DTX4: variants seen among roughly 807,000 people sequenced by gnomAD.
DTX4 encodes the protein E3 ubiquitin-protein ligase DTX4.
In DTX4, 28 loss-of-function variants were observed where a neutral mutation model predicts 57.6. The ratio of observed to expected loss-of-function variants is 0.49; its 90% CI spans 0.36 to 0.67. The LOEUF is 0.67. DTX4 is among the 30% of genes least tolerant of loss of function. DTX4 has a pLI of 0.00. For missense variants in DTX4, 715 were observed against 836.8 expected (o/e 0.85, Z 1.80); for synonymous variants, 316 against 331.0 (o/e 0.95, Z 0.49).
At chr11:59,191,754 T>C (rs1342869558) in intron 5 of DTX4, among the ~76,000 whole-genome samples, 2 of 152,238 alleles carry the variant, frequency 1.3e-5, no homozygotes, top group African/African-American at 2.4e-5. Flanking sequence ...TTTACATTCC[T>C]TAAAAATTCA....
chr11:59,183,587 G>A (rs1017539886), intron 2 of DTX4, among the ~76,000 whole-genome samples: 6 of 152,122 alleles, frequency 3.9e-5, no homozygotes, highest in Admixed American at 1.3e-4. Context: ...TGATCCGGAT[G>A]GTTTTCAATT....
chr11:59,201,426 G>T (rs951224010), intron 8 of DTX4, among the ~76,000 whole-genome samples: 4 of 152,174 alleles, frequency 2.6e-5, no homozygotes, highest in Non-Finnish European at 5.9e-5. Context: ...CCATGGAAGG[G>T]GGCAGAGGAC....
In DTX4 at chr11:59,172,567, C is replaced by T; in HGVS notation, c.-29C>T. 3.0e-6 allele frequency: 4 copies of T among 1,321,934 alleles called. No individual in the cohort carries two copies. Among genetic ancestry groups the T allele is most frequent in the Non-Finnish European group, 3.9e-6 (4 of 1,035,378 alleles). 81.9% of individuals were successfully genotyped at this position (1,321,934 alleles called of 1,614,324 possible). On this transcript the variant is annotated 5_prime_UTR_variant, in exon 1 of 9. Coordinates refer to ENST00000227451, the MANE Select transcript of DTX4 (RefSeq NM_015177.2). ...GGGCGCTCGGGGCCCGGGAGGCGGG[C>T]CGCGCAGCGCCGCAGCCCCGGGCTC... is the stretch of plus-strand genomic sequence containing the variant.
chr11:59,199,553 G>T, intron 7 of DTX4, 131 bp from the exon 8 acceptor site: 3 of 726,672 alleles, frequency 4.1e-6, no homozygotes, highest in South Asian at 1.8e-5. Context: ...AGTGCTTTTT[G>T]GGTCTGTTCT....
chr11:59,197,684 T>G (rs768947892), intron 7 of DTX4, among the ~76,000 whole-genome samples: 3 of 152,024 alleles, frequency 2.0e-5, no homozygotes, highest in Admixed American at 2.0e-4. Context: ...GGAATGGGGC[T>G]CGAACAAGGG....
chr11:59,174,501 G>GAAAAAA (rs71036507), intron 1 of DTX4, among the ~76,000 whole-genome samples: 2 of 118,050 alleles, frequency 1.7e-5, no homozygotes, highest in African/African-American at 3.9e-5. Flanking sequence ...TCCAGTCCTG[G>GAAAAAA]AAAAAAAAAA....
At position 59,182,283 on chromosome 11, in the gene DTX4, C is replaced by T. The variant is rs760477316; in HGVS notation, c.756C>T (p.Thr252=). 19 of 1,612,162 alleles carry T rather than the reference C, an allele frequency of 1.2e-5. No individual in the cohort carries two copies. Among genetic ancestry groups the T allele is most frequent in the African/African-American group, 2.7e-5 (2 of 74,930 alleles). The change falls in exon 2 of 9, where the codon ACC becomes ACT. Residue 252 remains threonine, a synonymous_variant. Transcript: ENST00000227451. ...GCACCATTCGAGGCCCACTGAAGAC[C>T]GCCCCATCGCAGGTGATCCGGAGAC... is the stretch of plus-strand genomic sequence containing the variant. ...STGTIRGPLK[T]APSQVIRRQA...
chr11:59,204,608 C>A, intron 8 of DTX4, 68 bp from the exon 9 acceptor site: 1 of 1,426,082 alleles, frequency 7.0e-7, no homozygotes, highest in Non-Finnish European at 9.6e-7. Flanking sequence ...GGATTCTCTA[C>A]CGTCCAAGGG....
chr11:59,181,505 C>CATATACAGTACTTATA (rs1862461350), intron 1 of DTX4, among the ~76,000 whole-genome samples: 1 of 152,182 alleles, frequency 6.6e-6, no homozygotes, highest in Non-Finnish European at 1.5e-5. Context: ...CCTTATACTG[C>CATATACAGTACTTATA]CACCCATATC....
At chr11:59,194,695 AG>A (rs1280275116) in intron 6 of DTX4, among the ~76,000 whole-genome samples, 1 of 152,238 alleles carries the variant, frequency 6.6e-6, no homozygotes, top group Non-Finnish European at 1.5e-5. Context: ...GGCAGAGCTA[AG>A]AATTACGTCT....
intron 1 of DTX4, among the ~76,000 whole-genome samples, chr11:59,175,376 A>G (rs1862382784): frequency 6.6e-6 from 1 of 152,136 alleles, no homozygotes; most frequent in Non-Finnish European, 1.5e-5. Context: ...TGCTGCTGAT[A>G]GAGTCCTCAG....
intron 5 of DTX4, among the ~76,000 whole-genome samples, chr11:59,191,809 C>T (rs1373005453): frequency 6.6e-6 from 1 of 152,174 alleles, no homozygotes; most frequent in East Asian, 1.9e-4. Flanking sequence ...GTATTTGTTT[C>T]CTCCATAAGC....
At chr11:59,184,050 G>C (rs1030691056) in intron 2 of DTX4, among the ~76,000 whole-genome samples, 6 of 152,252 alleles carry the variant, frequency 3.9e-5, no homozygotes, top group Non-Finnish European at 7.3e-5. Flanking sequence ...CACAAAGGCA[G>C]TTTATAACAG....
At position 59,192,110 on chromosome 11, in the gene DTX4, T is replaced by A; in HGVS notation, c.1234T>A (p.Cys412Ser). The change falls in exon 6 of 9, where the codon TGT becomes AGT. Residue 412 changes from cysteine (C) to serine (S), a missense_variant. Physicochemically the swap from Cys to Ser is moderately radical, Grantham distance 112. Transcript: ENST00000227451. ...RHPPDEDCTI[C>S]MERLTAPSGY... ...CCTCCCTCCCCAGGACTGCACCATC[T>A]GTATGGAACGCCTCACGGCCCCCTC... is the stretch of plus-strand genomic sequence containing the variant. The A allele has an allele frequency of 6.2e-7, 1 of 1,613,438 alleles. No homozygotes were observed. Among genetic ancestry groups the A allele is most frequent in the Non-Finnish European group, 8.5e-7 (1 of 1,179,852 alleles).
Position 59,204,446 on chromosome 11 carries a change from A to G in DTX4, c.1627-230A>G, listed in dbSNP as rs373048637. ...CCATTTCATAAAAAAATTAATGTTCAGAGAGGTGCTATAACTTCTCCAAGG... is the reference window on the plus strand; with the variant it reads ...CCATTTCATAAAAAAATTAATGTTCGGAGAGGTGCTATAACTTCTCCAAGG... On this transcript the variant is annotated intron_variant, in intron 8 of 8. Transcript: ENST00000227451. Among the ~76,000 whole-genome samples the G allele has an allele frequency of 2.0e-5, 3 of 152,324 alleles. No homozygotes were observed. The South Asian group carries it at 6.2e-4, about 32-fold the overall frequency.
intron 8 of DTX4, among the ~76,000 whole-genome samples, chr11:59,203,162 A>T (rs1471741479): frequency 6.6e-6 from 1 of 152,220 alleles, no homozygotes; most frequent in African/African-American, 2.4e-5. Flanking sequence ...AGACTTTATA[A>T]ACACTGTACA....
intron 1 of DTX4, among the ~76,000 whole-genome samples, chr11:59,173,918 G>C (rs1208351944): frequency 6.6e-6 from 1 of 152,086 alleles, no homozygotes; most frequent in Non-Finnish European, 1.5e-5. Context: ...TGGAATTCTG[G>C]CTCGGCTTTC....
chr11:59,199,592 G>T, intron 7 of DTX4, 92 bp from the exon 8 acceptor site: 1 of 978,032 alleles, frequency 1.0e-6, no homozygotes, highest in Admixed American at 2.2e-5. Flanking sequence ...AATTATTATT[G>T]TCATTATTAT....
chr11:59,180,347 G>A (rs889043899), intron 1 of DTX4, among the ~76,000 whole-genome samples: 4 of 152,160 alleles, frequency 2.6e-5, no homozygotes, highest in African/African-American at 9.7e-5. Context: ...ATGAATAGGG[G>A]ATTGTTCTGC....
Sources: gnomAD v4.1 joint callset for allele counts (sites outside exome capture counted in the v4.1 genomes callset) on GRCh38, gnomAD v4.1.1 for gene constraint, MANE v1.5 for transcripts, NCBI Gene and HGNC (gene_info 2026-07-23, HGNC 2026-07-21) for gene names.